Variants in IL1RAPL2 observed in about 807,000 individuals in gnomAD.
IL1RAPL2 encodes X-linked interleukin-1 receptor accessory protein-like 2.
A neutral mutation model predicts 44.1 loss-of-function variants in IL1RAPL2; 3 were observed. The observed-to-expected ratio is 0.07, with a 90% confidence interval of 0.03 to 0.18. IL1RAPL2 has a LOEUF of 0.18. Ranked by LOEUF, IL1RAPL2 falls within the 10% of genes least tolerant of loss-of-function variation. The pLI, the probability that IL1RAPL2 is intolerant of heterozygous loss-of-function variation, is 1.00. For synonymous variants in IL1RAPL2, 181 were observed against 178.8 expected (o/e 1.01, Z -0.10); for missense variants, 391 against 496.4 (o/e 0.79, Z 2.02).
intron 10 of IL1RAPL2, among the ~76,000 whole-genome samples, chrX:105,763,348 G>T (rs1486187762): frequency 1.8e-5 from 2 of 111,513 alleles, no homozygotes; most frequent in Non-Finnish European, 3.8e-5. Context: ...GGGGAAACTG[G>T]GGCACTTGCT....
chrX:105,703,095 C>CT (rs1326025711), intron 6 of IL1RAPL2, among the ~76,000 whole-genome samples: 1 of 111,537 alleles, frequency 9.0e-6, no homozygotes, highest in Non-Finnish European at 1.9e-5. Flanking sequence ...TGAAAATCCT[C>CT]TAATTCTAGA....
intron 5 of IL1RAPL2, among the ~76,000 whole-genome samples, chrX:105,272,633 A>G (rs978047204): frequency 3.6e-5 from 4 of 112,518 alleles, no homozygotes; most frequent in Non-Finnish European, 5.6e-5. Flanking sequence ...AAATACTTCA[A>G]AGATTTGCTG....
chrX:104,815,829 C>T (rs1921117476), intron 2 of IL1RAPL2, among the ~76,000 whole-genome samples: 1 of 81,127 alleles, frequency 1.2e-5, no homozygotes, highest in Admixed American at 1.4e-4. Flanking sequence ...CATTCCACCC[C>T]CCTCATTTTT....
chrX:105,259,546 C>T (rs777977018), intron 4 of IL1RAPL2, among the ~76,000 whole-genome samples: 3 of 111,508 alleles, frequency 2.7e-5, no homozygotes, highest in Admixed American at 9.5e-5. Flanking sequence ...TGCAGGTCAG[C>T]AATGGCTTAG....
At chrX:105,687,405 G>A (rs1391446536) in intron 6 of IL1RAPL2, among the ~76,000 whole-genome samples, 1 of 111,103 alleles carries the variant, frequency 9.0e-6, no homozygotes, top group African/African-American at 3.3e-5. Context: ...TATCACCACC[G>A]ATCCCGCAGA....
intron 6 of IL1RAPL2, among the ~76,000 whole-genome samples, chrX:105,701,895 A>C (rs2038122707): frequency 9.0e-6 from 1 of 111,331 alleles, no homozygotes; most frequent in Non-Finnish European, 1.9e-5. Context: ...AAACATCTGT[A>C]TAGTTATTAT....
At chrX:105,559,364 T>G (rs1295605562) in intron 6 of IL1RAPL2, among the ~76,000 whole-genome samples, 1 of 112,412 alleles carries the variant, frequency 8.9e-6, no homozygotes, top group Non-Finnish European at 1.9e-5. Context: ...TCTGACAAGT[T>G]CTGAATCAGG....
At chrX:105,706,281 C>T (rs1255411520) in intron 6 of IL1RAPL2, among the ~76,000 whole-genome samples, 1 of 111,802 alleles carries the variant, frequency 8.9e-6, no homozygotes, top group African/African-American at 3.2e-5. Flanking sequence ...AATTTTCCCA[C>T]TATTTGAGAA....
At chrX:105,725,377 G>A (rs2147560549) in intron 7 of IL1RAPL2, among the ~76,000 whole-genome samples, 1 of 111,852 alleles carries the variant, frequency 8.9e-6, no homozygotes, top group Non-Finnish European at 1.9e-5. Context: ...CTGAAAGGCT[G>A]TGAGCTGAAT....
At chrX:104,790,648 A>T (rs1932820967) in intron 2 of IL1RAPL2, among the ~76,000 whole-genome samples, 1 of 111,443 alleles carries the variant, frequency 9.0e-6, no homozygotes, top group Non-Finnish European at 1.9e-5. Flanking sequence ...GTTCACTCAA[A>T]AAAAACCTTC....
chrX:104,732,998 T>G (rs985381465), intron 2 of IL1RAPL2, among the ~76,000 whole-genome samples: 2 of 111,857 alleles, frequency 1.8e-5, no homozygotes, highest in Non-Finnish European at 3.8e-5. Flanking sequence ...TTTAATGTCT[T>G]TGATAACCTT....
At chrX:105,333,000 A>G (rs993493646) in intron 5 of IL1RAPL2, among the ~76,000 whole-genome samples, 8 of 111,635 alleles carry the variant, frequency 7.2e-5, no homozygotes, top group Non-Finnish European at 1.1e-4. Flanking sequence ...TCTTCACAGA[A>G]ATAGAAAAAA....
chrX:104,810,420 TAAAAG>T lies in IL1RAPL2; in HGVS notation c.82+151439_82+151443del, dbSNP rs1339037910. The stretch of plus-strand genomic sequence containing the variant: ...CCTAAAACTTAAAGTATAATAATAA[TAAAAG>T]AAAAGAAAAGAAATGTGAGCAGAAA... On this transcript the variant is annotated intron_variant, in intron 2 of 10. Coordinates refer to ENST00000372582, the MANE Select transcript of IL1RAPL2 (RefSeq NM_017416.2). Among the ~76,000 whole-genome samples the T allele has an allele frequency of 3.7e-3, 405 of 110,899 alleles. 1 individual carries two copies. Among genetic ancestry groups the T allele is most frequent in the African/African-American group, 0.012 (368 of 30,527 alleles).
chrX:104,642,428 G>A (rs773023857), intron 1 of IL1RAPL2, among the ~76,000 whole-genome samples: 10 of 111,530 alleles, frequency 9.0e-5, no homozygotes, highest in Non-Finnish European at 1.7e-4. Flanking sequence ...AACTTTGGTA[G>A]TGTAAGTATT....
chrX:105,677,693 T>G (rs1291490872), intron 6 of IL1RAPL2, among the ~76,000 whole-genome samples: 4 of 111,350 alleles, frequency 3.6e-5, no homozygotes, highest in African/African-American at 1.3e-4. Context: ...CTCTGCTGTT[T>G]AGTAGTACAC....
intron 5 of IL1RAPL2, among the ~76,000 whole-genome samples, chrX:105,347,082 T>C (rs1391619344): frequency 1.8e-5 from 2 of 112,038 alleles, no homozygotes; most frequent in Non-Finnish European, 3.8e-5. Context: ...TGTACAATCT[T>C]TTTGAAAATT....
intron 2 of IL1RAPL2, among the ~76,000 whole-genome samples, chrX:105,079,386 A>G (rs1275712746): frequency 9.2e-6 from 1 of 108,611 alleles, no homozygotes; most frequent in Non-Finnish European, 1.9e-5. Flanking sequence ...TTATGGCTGC[A>G]CTATTCACAA....
chrX:105,220,712 G>A lies in IL1RAPL2; in HGVS notation c.357-13106G>A, dbSNP rs1191360400. On this transcript the variant is annotated intron_variant, in intron 3 of 10. Coordinates refer to ENST00000372582, the MANE Select transcript of IL1RAPL2 (RefSeq NM_017416.2). ...AGGGAAAGGAAGACTCAGGGCCAAC[G>A]TCGGCTTTTACTCTGGGACTGTTCC... 4 of 226,697 alleles carry A rather than the reference G, an allele frequency of 1.8e-5. No individual in the cohort carries two copies. In the Admixed American group the frequency reaches 1.9e-4, roughly 11 times the overall value. The allele number at this position is 226,697 out of a possible 1,213,427, so 18.7% of individuals were successfully genotyped here. A position where few individuals can be genotyped will look rare whatever the true frequency, so the allele number is the denominator to read the frequency against.
intron 5 of IL1RAPL2, among the ~76,000 whole-genome samples, chrX:105,464,718 C>T (rs2036116224): frequency 9.0e-6 from 1 of 111,498 alleles, no homozygotes; most frequent in African/African-American, 3.3e-5. Context: ...TTAGTTTAAA[C>T]TGAAACTTAA....
Sources: allele counts gnomAD v4.1 joint callset (sites outside exome capture counted in the v4.1 genomes callset), GRCh38; gene constraint gnomAD v4.1.1; transcripts MANE v1.5; gene names NCBI Gene and HGNC (gene_info 2026-07-23, HGNC 2026-07-21).